LRRC7: variants seen among roughly 807,000 people sequenced by gnomAD.
LRRC7 encodes leucine-rich repeat-containing protein 7.
LRRC7 carries 23 observed loss-of-function variants against 175.7 expected under a neutral mutation model. That is an observed-to-expected ratio of 0.13 (90% CI 0.09 to 0.19). The LOEUF (loss-of-function observed/expected upper bound fraction) is 0.19, where lower values mean the gene tolerates loss of function less well. Among genes scored for constraint, LRRC7 ranks in the 10% least tolerant of loss-of-function variants. LRRC7 has a pLI of 1.00. For missense variants in LRRC7, 1,354 were observed against 1,904.7 expected, an observed-to-expected ratio of 0.71 and a Z score of 5.38; for synonymous variants, 685 against 680.9, an observed-to-expected ratio of 1.01 and a Z score of -0.09.
At chr1:69,998,244 G>A (rs1006108874) in intron 11 of LRRC7, among the ~76,000 whole-genome samples, 1 of 152,086 alleles carries the variant, frequency 6.6e-6, no homozygotes, top group South Asian at 2.1e-4. Flanking sequence ...CTGCAATGAA[G>A]ACAGCGAAAA....
chr1:69,628,053 G>A (rs1173047077), intron 1 of LRRC7, among the ~76,000 whole-genome samples: 2 of 152,038 alleles, frequency 1.3e-5, no homozygotes, highest in African/African-American at 4.8e-5. Context: ...ATTTAATGGG[G>A]AGAAACTGAA....
intron 2 of LRRC7, among the ~76,000 whole-genome samples, chr1:69,750,583 T>G (rs890541016): frequency 6.6e-6 from 1 of 152,168 alleles, no homozygotes; most frequent in African/African-American, 2.4e-5. Context: ...ACTGAGTAAT[T>G]TATAAGCTGT....
chr1:69,621,922 C>A (rs1557498939), intron 1 of LRRC7, among the ~76,000 whole-genome samples: 1 of 152,172 alleles, frequency 6.6e-6, no homozygotes, highest in East Asian at 1.9e-4. Flanking sequence ...TTTCCCAAAG[C>A]TTTACCAGAT....
At chr1:70,116,283 C>T (rs55992448) in intron 26 of LRRC7, among the ~76,000 whole-genome samples, 19,477 of 152,178 alleles carry the variant, frequency 0.13, 1,732 homozygotes, top group African/African-American at 0.25. Flanking sequence ...CGCGGTGGCT[C>T]ACGCCTGTAA....
chr1:69,997,569 C>T (rs1338035183), intron 11 of LRRC7, among the ~76,000 whole-genome samples: 5 of 151,566 alleles, frequency 3.3e-5, no homozygotes, highest in Non-Finnish European at 5.9e-5. Context: ...TTTTGAGATA[C>T]GTCCCATCAA....
rs141126833 is a variant in LRRC7, at chr1:69,805,589, T to C, written c.421+13429T>C. The stretch of plus-strand genomic sequence containing the variant: ...TATCTGAAATGTGATCACTAGCACT[T>C]CTTTCACTTTAAGACTACCTTCCCT... On this transcript the variant is annotated intron_variant, in intron 4 of 26. Transcript: ENST00000651989. Among the ~76,000 whole-genome samples the C allele has an allele frequency of 2.5e-3, 375 of 152,052 alleles. 1 individual carries two copies. Among genetic ancestry groups the C allele is most frequent in the African/African-American group, 8.5e-3 (352 of 41,544 alleles).
At position 70,134,545 on chromosome 1, in the gene LRRC7, C is replaced by T. The variant is rs779570812; in HGVS notation, c.*12658C>T. 2.6e-5 allele frequency among the ~76,000 whole-genome samples: 4 copies of T among 152,172 alleles called. No individual in the cohort carries two copies. Among genetic ancestry groups the T allele is most frequent in the African/African-American group, 4.8e-5 (2 of 41,514 alleles). ...CATTTAATCTTTTTTTCTTCCAACC[C>T]GGAGCAAAGGTAGAGGGAAGACAAG... On this transcript the variant is annotated 3_prime_UTR_variant, in exon 27 of 27. Transcript: ENST00000651989.
At chr1:69,659,146 G>A (rs1657071276) in intron 1 of LRRC7, among the ~76,000 whole-genome samples, 1 of 151,978 alleles carries the variant, frequency 6.6e-6, no homozygotes, top group South Asian at 2.1e-4. Context: ...CAAATGTCCT[G>A]CTGGTACTTT....
At chr1:69,783,552 T>G (rs142952905) in intron 3 of LRRC7, among the ~76,000 whole-genome samples, 2,663 of 150,408 alleles carry the variant, frequency 0.018, 65 homozygotes, top group Admixed American at 0.068. Flanking sequence ...AGGTCAGGAG[T>G]TCAAGAGCAG....
intron 25 of LRRC7, among the ~76,000 whole-genome samples, chr1:70,104,579 T>C (rs1009422120): frequency 2.6e-5 from 4 of 152,052 alleles, no homozygotes; most frequent in African/African-American, 9.7e-5. Context: ...GGCAGGACCA[T>C]TTTTTTAGTT....
At chr1:69,983,333 T>C (rs1653626434) in intron 9 of LRRC7, among the ~76,000 whole-genome samples, 1 of 152,242 alleles carries the variant, frequency 6.6e-6, no homozygotes, top group Admixed American at 6.5e-5. Flanking sequence ...ATTAAGGATA[T>C]GTGCCCTCCA....
chr1:69,640,230 C>T (rs889055464), intron 1 of LRRC7, among the ~76,000 whole-genome samples: 2 of 151,654 alleles, frequency 1.3e-5, no homozygotes, highest in Non-Finnish European at 3.0e-5. Flanking sequence ...TTTCTGATGT[C>T]TTTTCCACAA....
At chr1:70,067,572 C>T (rs1662069876) in intron 23 of LRRC7, among the ~76,000 whole-genome samples, 1 of 152,106 alleles carries the variant, frequency 6.6e-6, no homozygotes, top group Non-Finnish European at 1.5e-5. Context: ...TGATTCCTCT[C>T]ACTCTATACT....
chr1:70,004,676 T>C (rs1324771111), intron 11 of LRRC7, among the ~76,000 whole-genome samples: 3 of 152,082 alleles, frequency 2.0e-5, no homozygotes, highest in South Asian at 4.1e-4. Flanking sequence ...AGACAGTGAA[T>C]AGTTAAGCAG....
intron 1 of LRRC7, among the ~76,000 whole-genome samples, chr1:69,594,188 A>G (rs1443518997): frequency 6.6e-6 from 1 of 152,122 alleles, no homozygotes; most frequent in African/African-American, 2.4e-5. Context: ...AAACAGATAT[A>G]CACAGACATT....
At chr1:69,739,547 A>C (rs1172126208) in intron 2 of LRRC7, among the ~76,000 whole-genome samples, 1 of 152,102 alleles carries the variant, frequency 6.6e-6, no homozygotes, top group Non-Finnish European at 1.5e-5. Context: ...AAAAGATTGT[A>C]ATAAGATTGG....
intron 7 of LRRC7, among the ~76,000 whole-genome samples, chr1:69,841,661 C>G (rs566819459): frequency 6.6e-6 from 1 of 152,108 alleles, no homozygotes; most frequent in Non-Finnish European, 1.5e-5. Flanking sequence ...GATTTTGACT[C>G]TTTGTTTACT....
chr1:69,953,730 A>G (rs1441748594), intron 8 of LRRC7, among the ~76,000 whole-genome samples: 1 of 152,026 alleles, frequency 6.6e-6, no homozygotes, highest in East Asian at 1.9e-4. Context: ...CTCCTTGAAG[A>G]GCACTCATCT....
intron 2 of LRRC7, among the ~76,000 whole-genome samples, chr1:69,710,278 C>CAAA (rs77553066): frequency 0.08 from 6,947 of 86,836 alleles, 442 homozygotes; most frequent in East Asian, 0.24. Flanking sequence ...GACTCCGTCT[C>CAAA]AAAAAAAAAA....
Sources: allele counts gnomAD v4.1 joint callset (sites outside exome capture counted in the v4.1 genomes callset), GRCh38; gene constraint gnomAD v4.1.1; transcripts MANE v1.5; gene names NCBI Gene and HGNC (gene_info 2026-07-23, HGNC 2026-07-21).